PLB1: variants seen among roughly 807,000 people sequenced by gnomAD.
PLB1 encodes the protein phospholipase B1, membrane-associated.
In PLB1, 242 loss-of-function variants were observed where a neutral mutation model predicts 227.4. That is an observed-to-expected ratio of 1.06 (90% CI 0.96 to 1.18). The LOEUF (loss-of-function observed/expected upper bound fraction) is 1.18, where lower values mean the gene tolerates loss of function less well. PLB1 is among the 50% of genes most tolerant of loss of function. The pLI, the probability that PLB1 is intolerant of heterozygous loss-of-function variation, is 0.00. For synonymous variants in PLB1, 757 were observed against 682.2 expected (o/e 1.11, Z -1.71); for missense variants, 1,858 against 1,816.3 (o/e 1.02, Z -0.42).
chr2:28,567,445 A>T (rs1212915738), intron 20 of PLB1, among the ~76,000 whole-genome samples: 5 of 147,584 alleles, frequency 3.4e-5, no homozygotes, highest in Admixed American at 3.4e-4. Flanking sequence ...CTTTCCATCA[A>T]CCTGCTCGGA....
chr2:28,509,012 G>A (rs181146373), intron 1 of PLB1, among the ~76,000 whole-genome samples: 8 of 152,248 alleles, frequency 5.3e-5, no homozygotes, highest in African/African-American at 1.9e-4. Context: ...ACCCTTTCCA[G>A]TTCTTTGATC....
At chr2:28,523,010 G>T (rs1669728097) in intron 4 of PLB1, among the ~76,000 whole-genome samples, 1 of 152,078 alleles carries the variant, frequency 6.6e-6, no homozygotes, top group Non-Finnish European at 1.5e-5. Context: ...CTGTAACCTA[G>T]GTATACGCAC....
chr2:28,578,155 C>T lies in PLB1; in HGVS notation c.1482C>T (p.Asp494=). The T allele has an allele frequency of 6.2e-7, 1 of 1,613,976 alleles. No homozygotes were observed. The highest frequency in any genetic ancestry group is 8.5e-7 in the Non-Finnish European group (1 of 1,179,874). The change falls in exon 22 of 58, where the codon GAC becomes GAT. Residue 494 remains aspartate (D), a synonymous_variant. Transcript: ENST00000327757. ...ARRLVDLMKN[D]TRIHFQEDWK... is the part of the protein sequence containing the mutation. ...GGCTGGTGGACCTGATGAAGAATGA[C>T]ACGGTGGGTCCCTGGGATGGGAAGT...
chr2:28,618,493 G>C, intron 46 of PLB1, 94 bp downstream of exon 46: 1 of 1,321,134 alleles, frequency 7.6e-7, no homozygotes, highest in South Asian at 1.2e-5. Context: ...TCCGCTTTCA[G>C]TGCTGAGCCC....
At chr2:28,516,326 A>T (rs1668847677) in intron 1 of PLB1, among the ~76,000 whole-genome samples, 1 of 152,194 alleles carries the variant, frequency 6.6e-6, no homozygotes, top group Non-Finnish European at 1.5e-5. Flanking sequence ...GCCCCTGTCC[A>T]GGTACTTAGT....
chr2:28,607,158 G>A (rs887492428), intron 43 of PLB1, among the ~76,000 whole-genome samples: 1 of 152,198 alleles, frequency 6.6e-6, no homozygotes, highest in African/African-American at 2.4e-5. Flanking sequence ...CTTCAGGCCT[G>A]GGGTGGGGGC....
At chr2:28,551,339 C>T (rs1048224642) in intron 16 of PLB1, among the ~76,000 whole-genome samples, 3 of 152,158 alleles carry the variant, frequency 2.0e-5, no homozygotes, top group African/African-American at 7.2e-5. Flanking sequence ...GGCAGGGCAC[C>T]CTGCACTCCT....
intron 43 of PLB1, among the ~76,000 whole-genome samples, chr2:28,609,726 G>A (rs959180724): frequency 1.7e-5 from 2 of 121,030 alleles, no homozygotes; most frequent in East Asian, 9.4e-4. Flanking sequence ...CAAACTCTCT[G>A]TTCCTTAGGA....
chr2:28,562,540 C>CAAAAAAAAAAAAAAAA (rs60393903), intron 17 of PLB1, among the ~76,000 whole-genome samples: 2,034 of 42,456 alleles, frequency 0.048, 636 homozygotes, highest in Admixed American at 0.056. Flanking sequence ...GACTCTGTCT[C>CAAAAAAAAAAAAAAAA]AAAAAAAAAA....
chr2:28,606,577 G>A lies in PLB1; in HGVS notation c.3129+10G>A. On this transcript the variant is annotated intron_variant, in intron 43 of 57. Coordinates refer to ENST00000327757, the MANE Select transcript of PLB1 (RefSeq NM_153021.5). Reference sequence around the variant, plus strand: ...CACCTGTCCCACTCAGGTAGTAGGGGAGGACCTGCCTGGCTCCTCTCCACA... The same window carrying A: ...CACCTGTCCCACTCAGGTAGTAGGGAAGGACCTGCCTGGCTCCTCTCCACA... 6.2e-7 allele frequency: 1 copy of A among 1,613,494 alleles called. No individual in the cohort carries two copies. The highest frequency in any genetic ancestry group is 8.5e-7 in the Non-Finnish European group (1 of 1,179,458).
rs1224414163 is a variant in PLB1, at chr2:28,546,222, T to C, written c.937-2638T>C. ...TCATTCCCTAGGCCCTTTCTGCTGC[T>C]GCCGCAATAATTTCTGGTAATTCTT... On this transcript the variant is annotated intron_variant, in intron 14 of 57. Transcript: ENST00000327757. Among the ~76,000 whole-genome samples, 8 of 152,318 alleles carry C rather than the reference T, an allele frequency of 5.3e-5. No homozygotes were observed. In the East Asian group the frequency reaches 1.5e-3, roughly 29 times the overall value.
chr2:28,497,722 A>ATTT (rs112520210), intron 1 of PLB1, among the ~76,000 whole-genome samples: 15 of 140,996 alleles, frequency 1.1e-4, no homozygotes, highest in African/African-American at 3.9e-4. Context: ...TATATTCTCT[A>ATTT]TTTTTTTTTT....
At chr2:28,596,316 T>G (rs961581456) in intron 33 of PLB1, among the ~76,000 whole-genome samples, 1 of 152,234 alleles carries the variant, frequency 6.6e-6, no homozygotes, top group Admixed American at 6.5e-5. Flanking sequence ...AAATGAGAGT[T>G]TGAATATTTT....
intron 46 of PLB1, among the ~76,000 whole-genome samples, chr2:28,619,465 C>G (rs150162830): frequency 1.4e-5 from 2 of 146,388 alleles, no homozygotes; most frequent in African/African-American, 2.5e-5. Flanking sequence ...GTAGATTATT[C>G]GTTTGTTTAA....
intron 57 of PLB1, among the ~76,000 whole-genome samples, chr2:28,641,414 C>T (rs998130924): frequency 7.2e-5 from 11 of 152,172 alleles, no homozygotes; most frequent in African/African-American, 2.4e-4. Flanking sequence ...ACAAGACCAG[C>T]CTGGCCAACA....
chr2:28,617,585 C>T, intron 44 of PLB1, 142 bp from the exon 45 acceptor site: 1 of 781,164 alleles, frequency 1.3e-6, no homozygotes, highest in South Asian at 1.5e-5. Context: ...CTATAACTCA[C>T]AGTTCTTTCC....
chr2:28,630,551 C>G, intron 53 of PLB1, 35 bp from the exon 54 acceptor site: 1 of 1,588,096 alleles, frequency 6.3e-7, no homozygotes, highest in Non-Finnish European at 8.6e-7. Flanking sequence ...CACAGTGCCC[C>G]AGGCAGCCTC....
intron 56 of PLB1, among the ~76,000 whole-genome samples, chr2:28,639,434 C>T (rs1398608754): frequency 1.3e-5 from 2 of 152,094 alleles, no homozygotes; most frequent in African/African-American, 2.4e-5. Flanking sequence ...CTGGCTGGAG[C>T]GAGCAGCAGA....
At chr2:28,558,334 T>C (rs1175505000) in intron 17 of PLB1, among the ~76,000 whole-genome samples, 2 of 152,230 alleles carry the variant, frequency 1.3e-5, no homozygotes, top group Non-Finnish European at 1.5e-5. Flanking sequence ...AACATTTGCA[T>C]ACGAGCTAGT....
Sources: gnomAD v4.1 joint callset for allele counts (sites outside exome capture counted in the v4.1 genomes callset) on GRCh38, gnomAD v4.1.1 for gene constraint, MANE v1.5 for transcripts, NCBI Gene and HGNC (gene_info 2026-07-23, HGNC 2026-07-21) for gene names.